The following UBE2W variants were observed in gnomAD, a reference collection of about 807,000 sequenced individuals.
The protein encoded by UBE2W is ubiquitin conjugating enzyme E2 W.
UBE2W carries 18 observed loss-of-function variants against 27.2 expected under a neutral mutation model. The observed-to-expected ratio is 0.66, with a 90% CI of 0.46 to 0.98. UBE2W has a LOEUF of 0.98. Among genes scored for constraint, UBE2W ranks in the 50% least tolerant of loss-of-function variants. The probability of loss-of-function intolerance (pLI) is 0.00; values close to 1 mark genes in which losing one functional copy is unlikely to be tolerated. For missense variants in UBE2W, 90 were observed against 180.2 expected, an observed-to-expected ratio of 0.50 and a Z score of 2.87; for synonymous variants, 53 against 57.2, an observed-to-expected ratio of 0.93 and a Z score of 0.33.
At position 73,821,526 on chromosome 8, in the gene UBE2W, G is replaced by C. The variant is rs530499936; in HGVS notation, c.210+3621C>G. Among the ~76,000 whole-genome samples the C allele has an allele frequency of 5.1e-3, 728 of 141,744 alleles. 4 individuals carry two copies. The highest frequency in any genetic ancestry group is 9.0e-3 in the Non-Finnish European group (583 of 64,894). 93.0% of individuals were successfully genotyped at this position (141,744 alleles called of 152,430 possible). On this transcript the variant is annotated intron_variant, in intron 3 of 5. Transcript: ENST00000602593. Reference sequence around the variant, plus strand: ...TGAGACAGAGTGTGTGTGTGGTGGGGGGGTGGAGTGGGGTGTGGGAGTGTG... The same window carrying C: ...TGAGACAGAGTGTGTGTGTGGTGGGCGGGTGGAGTGGGGTGTGGGAGTGTG...
intron 1 of UBE2W, among the ~76,000 whole-genome samples, chr8:73,844,835 C>T (rs1048491653): frequency 5.3e-5 from 8 of 151,770 alleles, no homozygotes; most frequent in Admixed American, 1.3e-4. Context: ...TCTGCACCGC[C>T]GCCACCCCGT....
At chr8:73,870,665 A>G (rs139936540) in intron 1 of UBE2W, among the ~76,000 whole-genome samples, 1 of 152,116 alleles carries the variant, frequency 6.6e-6, no homozygotes, top group African/African-American at 2.4e-5. Context: ...GGTTACATCC[A>G]AGAAAATAGA....
chr8:73,860,973 C>T (rs1470478435), intron 1 of UBE2W, among the ~76,000 whole-genome samples: 1 of 151,962 alleles, frequency 6.6e-6, no homozygotes, highest in African/African-American at 2.4e-5. Context: ...TAGAAATTAG[C>T]TGAGCATGGT....
intron 1 of UBE2W, among the ~76,000 whole-genome samples, chr8:73,867,003 C>CA (rs35890299): frequency 0.12 from 14,882 of 120,716 alleles, 756 homozygotes; most frequent in Middle Eastern, 0.19. Context: ...GGCTCCGTCC[C>CA]AAAAAAAAAA....
intron 1 of UBE2W, among the ~76,000 whole-genome samples, chr8:73,863,618 C>T (rs189621882): frequency 6.3e-4 from 95 of 151,298 alleles, no homozygotes; most frequent in African/African-American, 2.2e-3. Flanking sequence ...AATAGCCAGG[C>T]ATTGTGGTGA....
In UBE2W at chr8:73,805,454, C is replaced by CAAAAAAACAAAAAAAACAAAAAAA. The variant is rs1808835103; in HGVS notation, c.442+196_442+197insTTTTTTTGTTTTTTTTGTTTTTTT. Among the ~76,000 whole-genome samples, 2 of 14,580 alleles carry CAAAAAAACAAAAAAAACAAAAAAA rather than the reference C, an allele frequency of 1.4e-4. 1 individual carries two copies. 9.6% of individuals were successfully genotyped at this position (14,580 alleles called of 152,430 possible). On this transcript the variant is annotated intron_variant, in intron 5 of 5. Coordinates refer to ENST00000602593, the MANE Select transcript of UBE2W (RefSeq NM_018299.6). ...GGGCAACAAGAGCAAAACTCCATCT[C>CAAAAAAACAAAAAAAACAAAAAAA]AAAAAAAAAAAAAAAAACAAAAAAA... is the stretch of plus-strand genomic sequence containing the variant.
chr8:73,839,726 G>GAT (rs1810461474), intron 1 of UBE2W, among the ~76,000 whole-genome samples: 1 of 123,136 alleles, frequency 8.1e-6, no homozygotes, highest in African/African-American at 3.2e-5. Flanking sequence ...TTCTTTTTTG[G>GAT]TTTTTTTTTT....
At chr8:73,864,778 G>T (rs1329461992) in intron 1 of UBE2W, among the ~76,000 whole-genome samples, 1 of 149,518 alleles carries the variant, frequency 6.7e-6, no homozygotes, top group African/African-American at 2.5e-5. Context: ...GGGGCTGAGG[G>T]GATATTTTTA....
At chr8:73,852,414 G>A (rs1287245253) in intron 1 of UBE2W, among the ~76,000 whole-genome samples, 1 of 152,110 alleles carries the variant, frequency 6.6e-6, no homozygotes, top group African/African-American at 2.4e-5. Flanking sequence ...CACTCCAAAT[G>A]AAATATTTGT....
intron 3 of UBE2W, among the ~76,000 whole-genome samples, chr8:73,823,422 T>G (rs1401437728): frequency 6.6e-6 from 1 of 152,226 alleles, no homozygotes; most frequent in Non-Finnish European, 1.5e-5. Context: ...AGAGTAAGCC[T>G]TCCCCCAATA....
rs1055297316 is a variant in UBE2W, at chr8:73,787,840, C to A, written c.*6262G>T. The A allele has an allele frequency of 9.1e-6, 9 of 985,366 alleles. No individual in the cohort carries two copies. The highest frequency in any genetic ancestry group is 1.1e-5 in the Non-Finnish European group (9 of 829,918). 61.0% of individuals were successfully genotyped at this position (985,366 alleles called of 1,614,324 possible). On this transcript the variant is annotated 3_prime_UTR_variant, in exon 6 of 6. Coordinates refer to ENST00000602593, the MANE Select transcript of UBE2W (RefSeq NM_018299.6). ...GACTCACGATAACTCTAAGCAAGTG[C>A]CTGGGTCTCCATTTCCATCTTCACT...
intron 1 of UBE2W, among the ~76,000 whole-genome samples, chr8:73,849,272 G>A (rs1229213461): frequency 1.3e-5 from 2 of 152,066 alleles, no homozygotes; most frequent in Non-Finnish European, 2.9e-5. Context: ...AGCACTGTGG[G>A]AGGCCAACGC....
At chr8:73,820,836 T>C (rs940493752) in intron 3 of UBE2W, among the ~76,000 whole-genome samples, 1 of 151,912 alleles carries the variant, frequency 6.6e-6, no homozygotes, top group Non-Finnish European at 1.5e-5. Context: ...CTGTAGTCCC[T>C]GCTACTCTGG....
chr8:73,781,340 T>C (rs1807838629), downstream of UBE2W, among the ~76,000 whole-genome samples: 1 of 151,722 alleles, frequency 6.6e-6, no homozygotes, highest in Non-Finnish European at 1.5e-5. Flanking sequence ...ACCCATAAAC[T>C]GAGTAAAATC....
chr8:73,848,930 GGTGATA>G (rs1164048869), intron 1 of UBE2W, among the ~76,000 whole-genome samples: 1 of 152,082 alleles, frequency 6.6e-6, no homozygotes, highest in Admixed American at 6.6e-5. Flanking sequence ...AAAATTGACT[GGTGATA>G]GTTGCATAAC....
intron 1 of UBE2W, among the ~76,000 whole-genome samples, chr8:73,869,880 G>A (rs776182507): frequency 1.6e-4 from 24 of 152,050 alleles, no homozygotes; most frequent in Non-Finnish European, 7.4e-5. Flanking sequence ...CAAACAAACA[G>A]CTAAGTGAAA....
intron 1 of UBE2W, among the ~76,000 whole-genome samples, chr8:73,857,954 G>A (rs542420514): frequency 6.6e-6 from 1 of 151,876 alleles, no homozygotes; most frequent in East Asian, 1.9e-4. Context: ...GCTGGGCATG[G>A]TGGCTCACGT....
At chr8:73,801,088 C>CAA (rs948886803) in intron 5 of UBE2W, among the ~76,000 whole-genome samples, 1 of 150,366 alleles carries the variant, frequency 6.7e-6, no homozygotes, top group African/African-American at 2.4e-5. Flanking sequence ...AAAACTCCGT[C>CAA]AAAAAAAAGA....
chr8:73,863,920 AAAC>A (rs201007435), intron 1 of UBE2W, among the ~76,000 whole-genome samples: 13 of 151,242 alleles, frequency 8.6e-5, no homozygotes, highest in East Asian at 1.9e-4. Context: ...GTTAACTCAA[AAAC>A]AACAACAACA....
Sources: allele counts gnomAD v4.1 joint callset (sites outside exome capture counted in the v4.1 genomes callset), GRCh38; gene constraint gnomAD v4.1.1; transcripts MANE v1.5; gene names NCBI Gene and HGNC (gene_info 2026-07-23, HGNC 2026-07-21).